Variants in WWTR1 observed in about 807,000 individuals in gnomAD.
WWTR1 encodes WW domain-containing transcription regulator protein 1.
Under a neutral mutation model 40.1 loss-of-function variants are expected in WWTR1, and 13 were observed. That is an observed-to-expected ratio of 0.32 (90% confidence interval 0.21 to 0.52). The LOEUF (loss-of-function observed/expected upper bound fraction) is 0.52. Among genes scored for constraint, WWTR1 ranks in the 20% least tolerant of loss-of-function variants. The probability of loss-of-function intolerance (pLI) is 0.97; values close to 1 mark genes in which losing one functional copy is unlikely to be tolerated. For missense variants in WWTR1, 436 were observed against 523.1 expected (o/e 0.83, Z 1.63); for synonymous variants, 230 against 210.1 (o/e 1.09, Z -0.82).
intron 1 of WWTR1, among the ~76,000 whole-genome samples, chr3:149,684,651 C>A (rs936115112): frequency 1.3e-5 from 2 of 152,050 alleles, no homozygotes; most frequent in East Asian, 3.9e-4. Context: ...GCAGGCCCAA[C>A]CTCCTGGGGT....
At chr3:149,667,054 T>C (rs185403127) in intron 2 of WWTR1, among the ~76,000 whole-genome samples, 1 of 152,158 alleles carries the variant, frequency 6.6e-6, no homozygotes, top group Non-Finnish European at 1.5e-5. Flanking sequence ...AACTTAAATG[T>C]GTTGGAGGTA....
At chr3:149,528,300 T>C (rs1272105050) in intron 4 of WWTR1, among the ~76,000 whole-genome samples, 1 of 152,166 alleles carries the variant, frequency 6.6e-6, no homozygotes, top group Non-Finnish European at 1.5e-5. Context: ...GCTTTTTCTA[T>C]CTCAGGTTCT....
chr3:149,683,704 G>A (rs949584699), intron 1 of WWTR1, among the ~76,000 whole-genome samples: 1 of 151,938 alleles, frequency 6.6e-6, no homozygotes, highest in Non-Finnish European at 1.5e-5. Context: ...TAAAAAAAAA[G>A]AAAAAGAAAA....
At chr3:149,594,388 A>G (rs1738878789) in intron 2 of WWTR1, among the ~76,000 whole-genome samples, 2 of 152,208 alleles carry the variant, frequency 1.3e-5, no homozygotes, top group African/African-American at 4.8e-5. Flanking sequence ...GCCGATGTAA[A>G]AAAACACATC....
At chr3:149,523,986 A>G (rs1009883735) in intron 6 of WWTR1, among the ~76,000 whole-genome samples, 1 of 152,190 alleles carries the variant, frequency 6.6e-6, no homozygotes, top group Non-Finnish European at 1.5e-5. Flanking sequence ...GCACTCTGAC[A>G]TTATCAAGTC....
rs767259877 is a variant in WWTR1 at position 149,647,265 on chromosome 3, T to C, written c.431+9611A>G. On this transcript the variant is annotated intron_variant, in intron 2 of 6. Transcript: ENST00000360632. ...ATGCCTTTGTACTTATTTTAGGTTCTTGGTATTTAAATGTATTTATTACCT... is the reference window on the plus strand; with the variant it reads ...ATGCCTTTGTACTTATTTTAGGTTCCTGGTATTTAAATGTATTTATTACCT... Among the ~76,000 whole-genome samples, 10 of 152,372 alleles carry C rather than the reference T, an allele frequency of 6.6e-5. No individual in the cohort carries two copies. In the South Asian group the frequency reaches 1.0e-3, roughly 16 times the overall value.
At position 149,675,863 on chromosome 3, in the gene WWTR1, G is replaced by A. The variant is rs575247230; in HGVS notation, c.-107-5972C>T. Among the ~76,000 whole-genome samples the A allele has an allele frequency of 5.3e-5, 8 of 152,108 alleles. No individual in the cohort carries two copies. The East Asian group carries it at 1.4e-3, about 26-fold the overall frequency. On this transcript the variant is annotated intron_variant, in intron 1 of 7. Transcript: ENST00000465804. ...CTCCCGAGTAGCTGAGACTACAGGC[G>A]TCCACCACCATGCCCAGCTAATTTT...
chr3:149,533,096 T>C (rs1284346199), intron 4 of WWTR1, among the ~76,000 whole-genome samples: 2 of 152,158 alleles, frequency 1.3e-5, no homozygotes, highest in Non-Finnish European at 1.5e-5. Context: ...CAGTTAAACA[T>C]GTATATTCAC....
At chr3:149,577,237 A>G (rs1245456374) in intron 2 of WWTR1, among the ~76,000 whole-genome samples, 1 of 152,222 alleles carries the variant, frequency 6.6e-6, no homozygotes, top group Non-Finnish European at 1.5e-5. Context: ...TGTGGCTCAA[A>G]TCAGGGGACA....
chr3:149,668,136 A>G, intron 2 of WWTR1, among the ~76,000 whole-genome samples: 1 of 152,350 alleles, frequency 6.6e-6, no homozygotes, highest in Non-Finnish European at 1.5e-5. Flanking sequence ...TAGGGAAAGA[A>G]GCCTCTAGAT....
At chr3:149,670,080 G>A (rs540275044) in intron 1 of WWTR1, among the ~76,000 whole-genome samples, 1 of 152,226 alleles carries the variant, frequency 6.6e-6, no homozygotes, top group Non-Finnish European at 1.5e-5. Flanking sequence ...GGGCAGCAAT[G>A]GCTCAGCTCT....
upstream of WWTR1, among the ~76,000 whole-genome samples, chr3:149,707,295 C>T (rs1715358348): frequency 6.6e-6 from 1 of 152,142 alleles, no homozygotes; most frequent in Non-Finnish European, 1.5e-5. Flanking sequence ...CAAACTTCAC[C>T]ACCGCTCCCC....
chr3:149,545,021 C>T lies in WWTR1; in HGVS notation c.569-2484G>A, dbSNP rs530342357. Reference sequence around the variant, plus strand: ...AGGTACACAGGGAAAGCTCAGGAAACGATCTGATGAATGAATAAAATCAGT... The same window carrying T: ...AGGTACACAGGGAAAGCTCAGGAAATGATCTGATGAATGAATAAAATCAGT... On this transcript the variant is annotated intron_variant, in intron 3 of 6. Transcript: ENST00000360632. Among the ~76,000 whole-genome samples, 66 of 152,240 alleles carry T rather than the reference C, an allele frequency of 4.3e-4. No individual in the cohort carries two copies. The East Asian group carries it at 5.2e-3, about 12-fold the overall frequency.
chr3:149,565,324 A>G (rs570777830), intron 3 of WWTR1, among the ~76,000 whole-genome samples: 90 of 151,898 alleles, frequency 5.9e-4, no homozygotes, highest in African/African-American at 2.0e-3. Flanking sequence ...TTTTTAAGGA[A>G]AATTGTGGCA....
intron 2 of WWTR1, among the ~76,000 whole-genome samples, chr3:149,607,254 C>T (rs1203537655): frequency 6.6e-6 from 1 of 152,172 alleles, no homozygotes; most frequent in African/African-American, 2.4e-5. Flanking sequence ...TATAAATCCA[C>T]TAATGCTGCT....
chr3:149,615,082 G>GT (rs1739911062), intron 2 of WWTR1, among the ~76,000 whole-genome samples: 1 of 152,180 alleles, frequency 6.6e-6, no homozygotes, highest in Non-Finnish European at 1.5e-5. Flanking sequence ...AGAAAAAAGT[G>GT]TTTTGCATAT....
chr3:149,668,420 G>C (rs1197979744), intron 2 of WWTR1, among the ~76,000 whole-genome samples: 1 of 151,720 alleles, frequency 6.6e-6, no homozygotes, highest in African/African-American at 2.4e-5. Flanking sequence ...CAGCCTGGCC[G>C]ACATGGTGAA....
At chr3:149,539,565 G>A (rs757141920) in intron 4 of WWTR1, among the ~76,000 whole-genome samples, 16 of 152,000 alleles carry the variant, frequency 1.1e-4, no homozygotes, top group Non-Finnish European at 1.9e-4. Flanking sequence ...GGATATTCAG[G>A]CAGTTGTTGA....
chr3:149,652,620 C>CAAAAAA (rs758013561), intron 2 of WWTR1, among the ~76,000 whole-genome samples: 1 of 20,202 alleles, frequency 4.9e-5, no homozygotes, highest in Admixed American at 6.7e-4. Flanking sequence ...GACCCCATCT[C>CAAAAAA]AAAAAAAAAA....
Sources: allele counts gnomAD v4.1 joint callset (sites outside exome capture counted in the v4.1 genomes callset), GRCh38; gene constraint gnomAD v4.1.1; transcripts MANE v1.5; gene names NCBI Gene and HGNC (gene_info 2026-07-23, HGNC 2026-07-21).